The following ROBO2 variants were observed in gnomAD, a reference collection of about 807,000 sequenced individuals.
ROBO2 encodes roundabout guidance receptor 2.
ROBO2 carries 53 observed loss-of-function variants against 160.8 expected under a neutral mutation model. The observed-to-expected ratio is 0.33, with a 90% confidence interval of 0.26 to 0.41. The LOEUF is 0.41. Ranked by LOEUF, ROBO2 falls within the 10% of genes least tolerant of loss-of-function variation. The probability of loss-of-function intolerance (pLI) is 1.00; values close to 1 mark genes in which losing one functional copy is unlikely to be tolerated. For missense variants in ROBO2, 1,577 were observed against 1,722.4 expected, an observed-to-expected ratio of 0.92 and a Z score of 1.49; for synonymous variants, 664 against 611.7, an observed-to-expected ratio of 1.09 and a Z score of -1.26.
In ROBO2 at chr3:77,284,467, A is replaced by G. The variant is rs144252046; in HGVS notation, c.388+186127A>G. Among the ~76,000 whole-genome samples, 106 of 152,298 alleles carry G rather than the reference A, an allele frequency of 7.0e-4. 1 individual carries two copies. The highest frequency in any genetic ancestry group is 2.4e-3 in the African/African-American group (101 of 41,554). Reference sequence around the variant, plus strand: ...GCTGTTAGGAAAAGGCCTCGTTCACAATAGGTCTGATACAAATGTCACCCA... The same window carrying G: ...GCTGTTAGGAAAAGGCCTCGTTCACGATAGGTCTGATACAAATGTCACCCA... On this transcript the variant is annotated intron_variant, in intron 2 of 25. Coordinates refer to ENST00000461745, the Ensembl canonical transcript of ROBO2.
chr3:77,616,354 T>A (rs1030510280), intron 21 of ROBO2, among the ~76,000 whole-genome samples: 2 of 139,496 alleles, frequency 1.4e-5, no homozygotes, highest in Admixed American at 7.6e-5. Context: ...TTTTTAGACC[T>A]AGCTAATGAG....
At chr3:77,250,689 T>G (rs1414589934) in intron 2 of ROBO2, among the ~76,000 whole-genome samples, 1 of 152,198 alleles carries the variant, frequency 6.6e-6, no homozygotes, top group Non-Finnish European at 1.5e-5. Context: ...TTCTGGAGTT[T>G]GGAAAGAGGA....
chr3:76,487,601 C>A (rs1560029726), intron 2 of ROBO2, among the ~76,000 whole-genome samples: 1 of 152,096 alleles, frequency 6.6e-6, no homozygotes, highest in African/African-American at 2.4e-5. Context: ...CTCTCTGACT[C>A]ATATTATCAG....
chr3:77,616,822 T>G (rs2094789850), intron 21 of ROBO2, among the ~76,000 whole-genome samples: 1 of 152,188 alleles, frequency 6.6e-6, no homozygotes, highest in South Asian at 2.1e-4. Flanking sequence ...AAAATAATTG[T>G]CATATTTTAT....
At chr3:77,177,054 A>C (rs1450549655) in intron 2 of ROBO2, among the ~76,000 whole-genome samples, 1 of 152,034 alleles carries the variant, frequency 6.6e-6, no homozygotes, top group Non-Finnish European at 1.5e-5. Context: ...AAAAGTAGGA[A>C]AAAGAGATTT....
intron 2 of ROBO2, among the ~76,000 whole-genome samples, chr3:76,155,831 G>C (rs1407186954): frequency 1.3e-5 from 2 of 152,114 alleles, no homozygotes; most frequent in Admixed American, 6.6e-5. Context: ...GCATGTAAAT[G>C]GTATTACTGT....
At chr3:76,972,049 T>C (rs1338897260) in intron 2 of ROBO2, among the ~76,000 whole-genome samples, 1 of 152,250 alleles carries the variant, frequency 6.6e-6, no homozygotes, top group African/African-American at 2.4e-5. Context: ...AATAACCATA[T>C]TGAAGATGGT....
intron 2 of ROBO2, among the ~76,000 whole-genome samples, chr3:76,797,522 A>G (rs1439546841): frequency 6.6e-6 from 1 of 152,024 alleles, no homozygotes; most frequent in Non-Finnish European, 1.5e-5. Flanking sequence ...ATCATAAGGA[A>G]CTAGAAAAGC....
chr3:77,007,422 C>G (rs766684552), intron 2 of ROBO2, among the ~76,000 whole-genome samples: 2 of 152,000 alleles, frequency 1.3e-5, no homozygotes, highest in Non-Finnish European at 2.9e-5. Context: ...ATACATTATT[C>G]TAATCACATT....
Position 77,244,320 on chromosome 3 carries a change from A to G in ROBO2, c.388+145980A>G, listed in dbSNP as rs541689658. On this transcript the variant is annotated intron_variant, in intron 2 of 25. Coordinates refer to ENST00000461745, the Ensembl canonical transcript of ROBO2. Reference sequence around the variant, plus strand: ...ATATTGTAAGATATCAGAAGGAGAAATGATAGGGGAAGACAGTAGTTGTCA... The same window carrying G: ...ATATTGTAAGATATCAGAAGGAGAAGTGATAGGGGAAGACAGTAGTTGTCA... Among the ~76,000 whole-genome samples the G allele has an allele frequency of 2.6e-5, 4 of 152,336 alleles. No homozygotes were observed. The South Asian group carries it at 8.3e-4, about 32-fold the overall frequency.
At position 77,168,897 on chromosome 3, in the gene ROBO2, C is replaced by T. The variant is rs1243134554; in HGVS notation, c.388+70557C>T. Among the ~76,000 whole-genome samples, 7 of 152,290 alleles carry T rather than the reference C, an allele frequency of 4.6e-5. No individual in the cohort carries two copies. In the East Asian group the frequency reaches 1.4e-3, roughly 29 times the overall value. On this transcript the variant is annotated intron_variant, in intron 2 of 25. Transcript: ENST00000461745. The stretch of plus-strand genomic sequence containing the variant: ...CTGCAAACTTGGCAGCTTTTACCCT[C>T]TCTCATCTGTGGGATTGTTTTGTCC...
At chr3:76,624,378 G>C (rs1192046115) in intron 2 of ROBO2, among the ~76,000 whole-genome samples, 1 of 152,006 alleles carries the variant, frequency 6.6e-6, no homozygotes, top group Non-Finnish European at 1.5e-5. Flanking sequence ...ACATGAGTAT[G>C]TTTTCCTCTT....
chr3:77,261,949 G>T (rs929166021), intron 2 of ROBO2, among the ~76,000 whole-genome samples: 1 of 151,938 alleles, frequency 6.6e-6, no homozygotes, highest in African/African-American at 2.4e-5. Flanking sequence ...CATTCTTTGT[G>T]TGAAGGAGAT....
At chr3:76,663,510 A>G (rs903054483) in intron 2 of ROBO2, among the ~76,000 whole-genome samples, 37 of 152,168 alleles carry the variant, frequency 2.4e-4, no homozygotes, top group African/African-American at 4.8e-5. Flanking sequence ...CTAACCAACA[A>G]ATGTCTGTTG....
chr3:77,288,269 T>C (rs149451087), intron 2 of ROBO2, among the ~76,000 whole-genome samples: 1 of 152,162 alleles, frequency 6.6e-6, no homozygotes, highest in Non-Finnish European at 1.5e-5. Flanking sequence ...TGGTAGTGGG[T>C]AGGAGAGAAT....
chr3:77,045,414 G>A (rs540824518), intron 1 of ROBO2, among the ~76,000 whole-genome samples: 1 of 152,252 alleles, frequency 6.6e-6, no homozygotes, highest in East Asian at 1.9e-4. Context: ...CCTAATCATT[G>A]CATGGAGGGA....
intron 2 of ROBO2, among the ~76,000 whole-genome samples, chr3:77,196,377 G>A (rs562910975): frequency 8.1e-5 from 12 of 147,852 alleles, no homozygotes; most frequent in African/African-American, 1.7e-4. Context: ...CAGAGAATTC[G>A]CAAACCCAGA....
intron 2 of ROBO2, among the ~76,000 whole-genome samples, chr3:76,338,310 A>C (rs777095924): frequency 1.3e-5 from 2 of 152,088 alleles, no homozygotes; most frequent in African/African-American, 2.4e-5. Context: ...TGAAGTTTTA[A>C]CTTTATCTCC....
At chr3:77,605,899 A>C (rs2094518152) in intron 20 of ROBO2, among the ~76,000 whole-genome samples, 1 of 152,206 alleles carries the variant, frequency 6.6e-6, no homozygotes, top group African/African-American at 2.4e-5. Flanking sequence ...TAAATAAGGA[A>C]TAAAGGAGGT....
Sources: gnomAD v4.1 joint callset for allele counts (sites outside exome capture counted in the v4.1 genomes callset) on GRCh38, gnomAD v4.1.1 for gene constraint, MANE v1.5 for transcripts, NCBI Gene and HGNC (gene_info 2026-07-23, HGNC 2026-07-21) for gene names.